The following SCD5 variants were observed in gnomAD, a reference collection of about 807,000 sequenced individuals.
SCD5 encodes the protein stearoyl-CoA desaturase 5, also known as acyl-CoA-desaturase 4.
SCD5 carries 20 observed loss-of-function variants against 30.4 expected under a neutral mutation model. The ratio of observed to expected loss-of-function variants is 0.66; its 90% CI spans 0.46 to 0.96. SCD5 has a LOEUF of 0.96. Ranked by LOEUF, SCD5 falls within the 40% of genes least tolerant of loss-of-function variation. The pLI is 0.00. For missense variants in SCD5, 381 were observed against 443.3 expected, an observed-to-expected ratio of 0.86 and a Z score of 1.26; for synonymous variants, 173 against 176.4, an observed-to-expected ratio of 0.98 and a Z score of 0.16.
At chr4:82,774,622 G>A (rs960997894) in intron 1 of SCD5, among the ~76,000 whole-genome samples, 1 of 152,142 alleles carries the variant, frequency 6.6e-6, no homozygotes, top group African/African-American at 2.4e-5. Context: ...TTTGAGCACA[G>A]AAACCCACAA....
intron 1 of SCD5, among the ~76,000 whole-genome samples, chr4:82,712,565 C>T (rs1720134868): frequency 6.6e-6 from 1 of 151,742 alleles, no homozygotes; most frequent in Non-Finnish European, 1.5e-5. Flanking sequence ...AGCTGCCCGC[C>T]TTGGCCTCCA....
chr4:82,712,588 T>C (rs1720135780), intron 1 of SCD5, among the ~76,000 whole-genome samples: 1 of 151,944 alleles, frequency 6.6e-6, no homozygotes, highest in African/African-American at 2.4e-5. Context: ...AGTGCTGGGA[T>C]TACAGGCGTG....
chr4:82,787,068 G>T (rs1294573886), intron 1 of SCD5, among the ~76,000 whole-genome samples: 1 of 152,164 alleles, frequency 6.6e-6, no homozygotes, highest in African/African-American at 2.4e-5. Flanking sequence ...TAGATTGTTT[G>T]TGCAAATAAA....
At chr4:82,654,831 G>GC (rs1318393813) in intron 3 of SCD5, among the ~76,000 whole-genome samples, 1 of 152,132 alleles carries the variant, frequency 6.6e-6, no homozygotes, top group Non-Finnish European at 1.5e-5. Flanking sequence ...TAAAAATTCA[G>GC]CCATTCCTGT....
rs528923563 is a variant in SCD5, at chr4:82,685,030, G to T, written c.364-4118C>A. On this transcript the variant is annotated intron_variant, in intron 2 of 4. Transcript: ENST00000319540. The stretch of plus-strand genomic sequence containing the variant: ...ATTACCAAATTATTGTATTAAATTT[G>T]CAACTTAGAGTTTATACTGAATTGT... 9.9e-5 allele frequency among the ~76,000 whole-genome samples: 15 copies of T among 152,248 alleles called. No homozygotes were observed. In the South Asian group the frequency reaches 3.1e-3, roughly 32 times the overall value.
chr4:82,678,191 A>G (rs995758901), intron 3 of SCD5, among the ~76,000 whole-genome samples: 1 of 152,126 alleles, frequency 6.6e-6, no homozygotes, highest in Non-Finnish European at 1.5e-5. Context: ...TGACATGATG[A>G]TATGAATGAA....
chr4:82,770,331 A>G (rs926758932), intron 1 of SCD5, among the ~76,000 whole-genome samples: 22 of 152,010 alleles, frequency 1.4e-4, no homozygotes, highest in African/African-American at 5.3e-4. Context: ...TCCCCCATGT[A>G]TTTTTCCCTT....
At chr4:82,772,438 T>A (rs888260010) in intron 1 of SCD5, among the ~76,000 whole-genome samples, 1 of 152,266 alleles carries the variant, frequency 6.6e-6, no homozygotes, top group African/African-American at 2.4e-5. Context: ...AGCAGCCACA[T>A]GACTTGTGCT....
At chr4:82,782,983 G>A (rs35040120) in intron 1 of SCD5, among the ~76,000 whole-genome samples, 32,639 of 152,104 alleles carry the variant, frequency 0.21, 4,841 homozygotes, top group African/African-American at 0.42. Context: ...CACCTGCTTC[G>A]GGGCCTGAAT....
At chr4:82,690,496 C>T (rs1728809492) in intron 2 of SCD5, among the ~76,000 whole-genome samples, 1 of 152,202 alleles carries the variant, frequency 6.6e-6, no homozygotes, top group African/African-American at 2.4e-5. Flanking sequence ...CCTTCCACTC[C>T]ATTTCTACTC....
chr4:82,773,180 A>G (rs1721667152), intron 1 of SCD5, among the ~76,000 whole-genome samples: 1 of 152,124 alleles, frequency 6.6e-6, no homozygotes, highest in Non-Finnish European at 1.5e-5. Flanking sequence ...GCATTCTGCA[A>G]TTGCATGTGT....
chr4:82,648,857 G>A (rs1727684927), intron 3 of SCD5, among the ~76,000 whole-genome samples: 1 of 152,142 alleles, frequency 6.6e-6, no homozygotes, highest in African/African-American at 2.4e-5. Flanking sequence ...GTCGTGCCGA[G>A]ACTAAGAGTA....
chr4:82,707,455 C>G (rs1410752516), intron 1 of SCD5, among the ~76,000 whole-genome samples: 3 of 152,194 alleles, frequency 2.0e-5, no homozygotes, highest in Non-Finnish European at 4.4e-5. Context: ...GGTCCATGTG[C>G]TCCCCACCTT....
At chr4:82,788,342 C>T (rs1722027421) in intron 1 of SCD5, among the ~76,000 whole-genome samples, 1 of 152,120 alleles carries the variant, frequency 6.6e-6, no homozygotes, top group Admixed American at 6.5e-5. Context: ...CATCCCCTTC[C>T]CAATGACTGG....
At chr4:82,728,671 A>T (rs1720560548) in intron 1 of SCD5, among the ~76,000 whole-genome samples, 1 of 152,160 alleles carries the variant, frequency 6.6e-6, no homozygotes, top group African/African-American at 2.4e-5. Flanking sequence ...CTGTGATTTC[A>T]TCCTTAACCA....
chr4:82,761,760 G>C (rs1002782920), intron 1 of SCD5, among the ~76,000 whole-genome samples: 3 of 151,190 alleles, frequency 2.0e-5, no homozygotes, highest in African/African-American at 7.3e-5. Flanking sequence ...TCCCCAGAGT[G>C]TGATATTCCC....
chr4:82,725,339 A>G (rs1720446959), intron 1 of SCD5, among the ~76,000 whole-genome samples: 2 of 152,098 alleles, frequency 1.3e-5, no homozygotes. Context: ...GAAAGCTATC[A>G]CTCTGTCACC....
chr4:82,689,283 C>T (rs1370585801), intron 2 of SCD5, among the ~76,000 whole-genome samples: 4 of 152,104 alleles, frequency 2.6e-5, no homozygotes, highest in East Asian at 1.9e-4. Flanking sequence ...AGAAGAGCCA[C>T]GTGTGGTGGT....
chr4:82,771,718 G>C (rs897200887), intron 1 of SCD5, among the ~76,000 whole-genome samples: 1 of 152,102 alleles, frequency 6.6e-6, no homozygotes, highest in South Asian at 2.1e-4. Context: ...GGCCACTACC[G>C]ACCAGCTTCC....
Sources: gnomAD v4.1 joint callset for allele counts (sites outside exome capture counted in the v4.1 genomes callset) on GRCh38, gnomAD v4.1.1 for gene constraint, MANE v1.5 for transcripts, NCBI Gene and HGNC (gene_info 2026-07-23, HGNC 2026-07-21) for gene names.